Variants in TFDP2 observed in about 807,000 individuals in gnomAD.
The protein encoded by TFDP2 is transcription factor Dp-2 (E2F dimerization partner 2).
A neutral mutation model predicts 59.3 loss-of-function variants in TFDP2; 17 were observed. That is an observed-to-expected ratio of 0.29 (90% confidence interval 0.20 to 0.43). TFDP2 has a LOEUF of 0.43. TFDP2 is among the 20% of genes least tolerant of loss of function. TFDP2 has a pLI of 1.00. For missense variants in TFDP2, 391 were observed against 528.8 expected, an observed-to-expected ratio of 0.74 and a Z score of 2.56; for synonymous variants, 180 against 194.7, an observed-to-expected ratio of 0.92 and a Z score of 0.63.
At chr3:142,045,428 G>A (rs1052126496) in intron 3 of TFDP2, among the ~76,000 whole-genome samples, 3 of 152,088 alleles carry the variant, frequency 2.0e-5, no homozygotes, top group East Asian at 3.9e-4. Context: ...CCAAAGTGCT[G>A]CGATTACAGG....
chr3:142,137,398 G>C (rs755778900), intron 1 of TFDP2, among the ~76,000 whole-genome samples: 2 of 152,122 alleles, frequency 1.3e-5, no homozygotes, highest in Non-Finnish European at 2.9e-5. Context: ...GACTGCCCTG[G>C]CCAGAACTTC....
At chr3:142,065,430 A>G (rs1254840975) in intron 3 of TFDP2, among the ~76,000 whole-genome samples, 2 of 151,024 alleles carry the variant, frequency 1.3e-5, no homozygotes, top group African/African-American at 4.9e-5. Context: ...TGCTGGAATT[A>G]CAGGCGTGTA....
At chr3:142,050,519 C>T (rs1293126703) in intron 3 of TFDP2, among the ~76,000 whole-genome samples, 4 of 151,658 alleles carry the variant, frequency 2.6e-5, no homozygotes, top group Non-Finnish European at 5.9e-5. Context: ...CACGGTGAAA[C>T]CCTGTCTCTA....
chr3:142,079,008 C>T (rs2060552327), intron 3 of TFDP2, among the ~76,000 whole-genome samples: 1 of 151,938 alleles, frequency 6.6e-6, no homozygotes, highest in African/African-American at 2.4e-5. Flanking sequence ...ATGCAACTGA[C>T]ACGATGAAAA....
At chr3:141,997,712 TG>T (rs1376666285) in intron 4 of TFDP2, among the ~76,000 whole-genome samples, 1 of 151,076 alleles carries the variant, frequency 6.6e-6, no homozygotes, top group Non-Finnish European at 1.5e-5. Flanking sequence ...TAGCTGGGCG[TG>T]GGGGTGGGCA....
rs541347573 is a variant in TFDP2, at chr3:142,134,162, C to T, written c.-93+15021G>A. 2.0e-5 allele frequency among the ~76,000 whole-genome samples: 3 copies of T among 151,920 alleles called. No homozygotes were observed. In the South Asian group the frequency reaches 6.2e-4, roughly 32 times the overall value. On this transcript the variant is annotated intron_variant, in intron 1 of 12. Coordinates refer to ENST00000489671, the MANE Select transcript of TFDP2 (RefSeq NM_001178139.2). Reference sequence around the variant, plus strand: ...AAAAAATATAGAAGAAGGAGTTCCACGTAGTCCCAGCTACACCGAAGGCAG... The same window carrying T: ...AAAAAATATAGAAGAAGGAGTTCCATGTAGTCCCAGCTACACCGAAGGCAG...
intron 3 of TFDP2, among the ~76,000 whole-genome samples, chr3:142,031,837 A>C (rs557990599): frequency 6.6e-6 from 1 of 152,314 alleles, no homozygotes; most frequent in Admixed American, 6.5e-5. Flanking sequence ...TAGTGTAATG[A>C]TGGCAGGCAT....
chr3:142,030,014 A>G (rs1946345701), intron 3 of TFDP2, among the ~76,000 whole-genome samples: 1 of 152,238 alleles, frequency 6.6e-6, no homozygotes, highest in Non-Finnish European at 1.5e-5. Flanking sequence ...CAACAGCTCC[A>G]GGAGACGCTG....
At chr3:142,082,739 A>G (rs1014249532) in intron 3 of TFDP2, among the ~76,000 whole-genome samples, 3 of 152,222 alleles carry the variant, frequency 2.0e-5, no homozygotes, top group African/African-American at 4.8e-5. Flanking sequence ...TCAATGTAAT[A>G]TATCATTTCA....
At chr3:142,017,313 T>C (rs946056559) in intron 3 of TFDP2, among the ~76,000 whole-genome samples, 2 of 152,162 alleles carry the variant, frequency 1.3e-5, no homozygotes, top group Non-Finnish European at 2.9e-5. Context: ...TCTCCAACAC[T>C]AGCATACAGC....
At chr3:142,009,864 TAAAAG>T (rs1944517343) in intron 3 of TFDP2, among the ~76,000 whole-genome samples, 1 of 152,066 alleles carries the variant, frequency 6.6e-6, no homozygotes, top group Non-Finnish European at 1.5e-5. Context: ...TCCATTTGGA[TAAAAG>T]AAATTTTAGA....
chr3:142,113,526 G>T (rs1317184218), intron 1 of TFDP2, among the ~76,000 whole-genome samples: 1 of 152,042 alleles, frequency 6.6e-6, no homozygotes. Context: ...CTCCCAAAGT[G>T]GTGGGATTAC....
intron 1 of TFDP2, among the ~76,000 whole-genome samples, chr3:142,112,062 T>C (rs2061684730): frequency 6.7e-6 from 1 of 149,172 alleles, no homozygotes; most frequent in Non-Finnish European, 1.5e-5. Context: ...CAAGACTCTG[T>C]CTAAAAAAAA....
intron 9 of TFDP2, among the ~76,000 whole-genome samples, chr3:141,968,381 C>CATATATA (rs1559936817): frequency 4.4e-5 from 4 of 90,528 alleles, no homozygotes; most frequent in Admixed American, 1.3e-4. Flanking sequence ...TAACATATAT[C>CATATATA]TCATATATAT....
chr3:141,991,963 A>G (rs1448528127), intron 6 of TFDP2, among the ~76,000 whole-genome samples: 2 of 151,106 alleles, frequency 1.3e-5, no homozygotes, highest in Non-Finnish European at 2.9e-5. Flanking sequence ...AATCGCTTGA[A>G]CCCAGAAGGT....
chr3:142,068,786 T>C (rs1461383467), intron 3 of TFDP2, among the ~76,000 whole-genome samples: 1 of 152,086 alleles, frequency 6.6e-6, no homozygotes, highest in Non-Finnish European at 1.5e-5. Flanking sequence ...CTCAAATTCC[T>C]GGACTCAATG....
intron 6 of TFDP2, among the ~76,000 whole-genome samples, chr3:141,987,114 G>A (rs370081498): frequency 6.6e-6 from 1 of 152,004 alleles, no homozygotes; most frequent in African/African-American, 2.4e-5. Context: ...TTTTATTAAG[G>A]CTTTCCATTT....
intron 3 of TFDP2, among the ~76,000 whole-genome samples, chr3:142,032,629 G>C (rs1323004417): frequency 6.6e-6 from 1 of 152,002 alleles, no homozygotes; most frequent in South Asian, 2.1e-4. Flanking sequence ...ACTCAGTATT[G>C]AACTTCCTGT....
At chr3:142,144,703 GACT>G (rs2063101841) in intron 1 of TFDP2, among the ~76,000 whole-genome samples, 2 of 151,958 alleles carry the variant, frequency 1.3e-5, no homozygotes, top group African/African-American at 4.8e-5. Context: ...CACCAAGCCT[GACT>G]ACTTTTTGTA....
Sources: gnomAD v4.1 joint callset for allele counts (sites outside exome capture counted in the v4.1 genomes callset) on GRCh38, gnomAD v4.1.1 for gene constraint, MANE v1.5 for transcripts, NCBI Gene and HGNC (gene_info 2026-07-23, HGNC 2026-07-21) for gene names.